Variants in UBTF observed in about 807,000 individuals in gnomAD.
UBTF encodes the protein nucleolar transcription factor 1.
A neutral mutation model predicts 112.3 loss-of-function variants in UBTF; 8 were observed. That is an observed-to-expected ratio of 0.07 (90% confidence interval 0.04 to 0.13). The LOEUF (loss-of-function observed/expected upper bound fraction) is 0.13. Among genes scored for constraint, UBTF ranks in the 10% least tolerant of loss-of-function variants. UBTF has a pLI of 1.00. For missense variants in UBTF, 457 were observed against 982.1 expected (o/e 0.47, Z 7.15); for synonymous variants, 417 against 373.1 (o/e 1.12, Z -1.36).
upstream of UBTF, chr17:44,220,608 G>A (rs376595586): frequency 6.6e-6 from 1 of 152,164 alleles, no homozygotes; most frequent in Non-Finnish European, 1.5e-5. Context: ...CCGGCGGAGG[G>A]GCCGCTGTGG....
rs1432144889 is a variant in UBTF at position 44,210,366 on chromosome 17, C to G, written c.1467G>C (p.Glu489Asp). ...GKLPESPKRA[E>D]EIWQQSVIGD... ...CGATAACGCTCTGTTGCCAGATCTC[C>G]TCAGCTCTTTTGGGGGACTCGGGCA... The change falls in exon 14 of 21, where the codon GAG becomes GAC. Residue 489 changes from glutamate to aspartate, a missense_variant. Physicochemically the swap from Glu to Asp is conservative, Grantham distance 45 (BLOSUM62 2). Transcript: ENST00000436088. 1 of 1,614,110 alleles carries G rather than the reference C, an allele frequency of 6.2e-7. No homozygotes were observed. The highest frequency in any genetic ancestry group is 1.3e-5 in the African/African-American group (1 of 74,944).
Position 44,210,395 on chromosome 17 carries a change from T to C in UBTF, c.1438A>G (p.Lys480Glu). ...GCTCTTTTGGGGGACTCGGGCAGCT[T>C]GCCCCGTTCCTCGCGCTCCCCGCCG... is the stretch of plus-strand genomic sequence containing the variant. ...KPGGEREERG[K>E]LPESPKRAEE... Residue 480 changes from lysine (K) to glutamate (E), a missense_variant, in exon 14 of 21, where the codon AAG becomes GAG. This residue lies in a region of UBTF where 108 missense variants were observed against 137.4 expected (regional missense o/e 0.79). Coordinates refer to ENST00000436088, the MANE Select transcript of UBTF (RefSeq NM_014233.4). The C allele has an allele frequency of 1.2e-6, 2 of 1,614,170 alleles. No individual in the cohort carries two copies. The highest frequency in any genetic ancestry group is 1.7e-6 in the Non-Finnish European group (2 of 1,180,018).
chr17:44,216,490 G>A (rs368631958), intron 3 of UBTF, 39 bp downstream of exon 3: 2 of 1,607,532 alleles, frequency 1.2e-6, no homozygotes, highest in South Asian at 1.1e-5. Context: ...ACGCTGAGTG[G>A]GGGGTATGTG....
chr17:44,211,170 G>T lies in UBTF; in HGVS notation c.1090-18C>A. On this transcript the variant is annotated intron_variant, in intron 11 of 20. Coordinates refer to ENST00000436088, the MANE Select transcript of UBTF (RefSeq NM_014233.4). The surrounding 1 kb of genome is among the most constrained non-coding windows in gnomAD (Gnocchi z 4.9). ...GGCAGGCTCTGGACAGGAAAGAGGA[G>T]CACGGGGCTGCATGCCTGGCACCCA... The T allele has an allele frequency of 6.2e-7, 1 of 1,612,868 alleles. No homozygotes were observed.
Position 44,211,827 on chromosome 17 carries a change from A to G in UBTF, c.905+46T>C. On this transcript the variant is annotated intron_variant, in intron 9 of 20. Transcript: ENST00000436088. This position sits in a 1 kb window ranked among gnomAD's most constrained non-coding sequence, Gnocchi z 4.9. ...CTTCTCACCTGCAGAGCCCAGCCCA[A>G]CTTCCCAGCTGCCCACTCGCCCACC... The G allele has an allele frequency of 6.2e-7, 1 of 1,602,998 alleles. No homozygotes were observed. Among genetic ancestry groups the G allele is most frequent in the African/African-American group, 1.3e-5 (1 of 74,850 alleles).
At chr17:44,209,179 A>T (rs28651449) in intron 17 of UBTF, 173 bp downstream of exon 17, 70 of 687,122 alleles carry the variant, frequency 1.0e-4, no homozygotes, top group African/African-American at 4.3e-4. Flanking sequence ...AAAATAAAAA[A>T]AAAAATAAAA....
chr17:44,208,715 C>T (rs1404865264), intron 17 of UBTF: 1 of 175,942 alleles, frequency 5.7e-6, no homozygotes, highest in Non-Finnish European at 1.2e-5. Flanking sequence ...CTCCACTTTA[C>T]AGATCTGACT....
chr17:44,215,391 C>G, intron 5 of UBTF: 1 of 489,590 alleles, frequency 2.0e-6, no homozygotes, highest in Non-Finnish European at 3.7e-6. Flanking sequence ...GAGCTTGAAA[C>G]AGAATGCTGT....
In UBTF at chr17:44,211,083, C is replaced by A. The variant is rs1598235306; in HGVS notation, c.1159G>T (p.Ala387Ser). Residue 387 changes from alanine (A) to serine (S), a missense_variant, in exon 12 of 21, where the codon GCC becomes TCC. By Grantham distance (99) the Ala-to-Ser change is moderately conservative. Coordinates refer to ENST00000436088, the MANE Select transcript of UBTF (RefSeq NM_014233.4). This position sits in a 1 kb window ranked among gnomAD's most constrained non-coding sequence, Gnocchi z 4.9. ...GGCTTCTTGGAGGCGGGGCTGGTGG[C>A]CTGCTTCTTGTTGATGTTCAGCATC... ...EKMLNINKKQ[A>S]TSPASKKPAQ... is the part of the protein sequence containing the mutation. 4 of 1,612,724 alleles carry A rather than the reference C, an allele frequency of 2.5e-6. No homozygotes were observed. In the African/African-American group the frequency reaches 4.0e-5, roughly 16 times the overall value.
In UBTF at chr17:44,205,607, G is replaced by A. The variant is rs1025531465; in HGVS notation, c.*1635C>T. On this transcript the variant is annotated 3_prime_UTR_variant, in exon 21 of 21. Coordinates refer to ENST00000436088, the MANE Select transcript of UBTF (RefSeq NM_014233.4). ...AAGCAGAGACTGTCTGCCTTCCTTT[G>A]GGAGAGGGACCCACCAGCCTCTCTG... is the stretch of plus-strand genomic sequence containing the variant. 4.0e-5 allele frequency: 6 copies of A among 151,602 alleles called. No individual in the cohort carries two copies. Among genetic ancestry groups the A allele is most frequent in the South Asian group, 2.1e-4 (1 of 4,810 alleles). 9.4% of individuals were successfully genotyped at this position (151,602 alleles called of 1,614,324 possible). A position where few individuals can be genotyped will look rare whatever the true frequency, so the allele number is the denominator to read the frequency against.
chr17:44,211,434 T>TG lies in UBTF; in HGVS notation c.1048-104dup, dbSNP rs2144537075. 2 of 1,576,208 alleles carry TG rather than the reference T, an allele frequency of 1.3e-6. No homozygotes were observed. Among genetic ancestry groups the TG allele is most frequent in the African/African-American group, 2.7e-5 (2 of 74,178 alleles). On this transcript the variant is annotated intron_variant, in intron 10 of 20. Transcript: ENST00000436088. The surrounding 1 kb of genome is among the most constrained non-coding windows in gnomAD (Gnocchi z 4.9). ...CTTCAGCGGGCCTCCAGAGCCTGGGTGTGGGCTGGACTCCCTGCCTGGACG... is the reference window on the plus strand; with the variant it reads ...CTTCAGCGGGCCTCCAGAGCCTGGGTGGTGGGCTGGACTCCCTGCCTGGACG...
At position 44,211,980 on chromosome 17, in the gene UBTF, C is replaced by T. The variant is rs1265020800; in HGVS notation, c.798G>A (p.Lys266=). ...CCTCACTGATGTTCAGCTCTGGGTG[C>T]TTCTGGATATAGTCTCTCATGATCT... is the stretch of plus-strand genomic sequence containing the variant. ...YEEIMRDYIQ[K]HPELNISEEG... Residue 266 remains lysine (K), a synonymous_variant, in exon 9 of 21, where the codon AAG becomes AAA. Coordinates refer to ENST00000436088, the MANE Select transcript of UBTF (RefSeq NM_014233.4). The surrounding 1 kb of genome is among the most constrained non-coding windows in gnomAD (Gnocchi z 4.9). 3 of 1,613,348 alleles carry T rather than the reference C, an allele frequency of 1.9e-6. No individual in the cohort carries two copies. The highest frequency in any genetic ancestry group is 4.5e-5 in the East Asian group (2 of 44,824).
chr17:44,208,201 T>G (rs942986432), intron 17 of UBTF, among the ~76,000 whole-genome samples: 27 of 148,544 alleles, frequency 1.8e-4, no homozygotes, highest in African/African-American at 6.2e-4. Flanking sequence ...CTTCCCAGGC[T>G]CAAGTGATCC....
At position 44,207,249 on chromosome 17, in the gene UBTF, G is replaced by A; in HGVS notation, c.2288C>T (p.Ser763Phe). The change falls in exon 21 of 21, where the codon TCC (serine) becomes TTC (phenylalanine). Residue 763 changes from serine (S) to phenylalanine (F), a missense_variant. Coordinates refer to ENST00000436088, the MANE Select transcript of UBTF (RefSeq NM_014233.4). ...SSSGDSSDSD[S>F]N Reference sequence around the variant, plus strand: ...CTGGGGTGGGGCTGAGCCTCAGTTGGAGTCAGAGTCTGAGGAGTCCCCTGA... The same window carrying A: ...CTGGGGTGGGGCTGAGCCTCAGTTGAAGTCAGAGTCTGAGGAGTCCCCTGA... The A allele has an allele frequency of 1.2e-6, 2 of 1,613,620 alleles. No individual in the cohort carries two copies. The highest frequency in any genetic ancestry group is 8.5e-7 in the Non-Finnish European group (1 of 1,179,864).
Position 44,209,332 on chromosome 17 carries a change from A to C in UBTF, c.1905+20T>G, listed in dbSNP as rs747191419. 1.3e-6 allele frequency: 2 copies of C among 1,572,022 alleles called. No individual in the cohort carries two copies. Among genetic ancestry groups the C allele is most frequent in the Admixed American group, 3.5e-5 (2 of 57,374 alleles). On this transcript the variant is annotated intron_variant, in intron 17 of 20. Transcript: ENST00000436088. Reference sequence around the variant, plus strand: ...GTCTGATGCCTCTCTGTTCCTTCCAAGGGTCCCTTGCCCTCTCACCTTAAC... The same window carrying C: ...GTCTGATGCCTCTCTGTTCCTTCCACGGGTCCCTTGCCCTCTCACCTTAAC...
In UBTF at chr17:44,213,007, C is replaced by T; in HGVS notation, c.540-68G>A. 1.9e-6 allele frequency: 3 copies of T among 1,589,844 alleles called. No individual in the cohort carries two copies. In the Middle Eastern group the frequency reaches 5.1e-4, roughly 271 times the overall value. ...CAGGGCAGACTCAAGCTAGCTGCCC[C>T]ACCCACCAAGCCTCCTGGGCCTTTC... On this transcript the variant is annotated intron_variant, in intron 6 of 20. Coordinates refer to ENST00000436088, the MANE Select transcript of UBTF (RefSeq NM_014233.4).
At chr17:44,218,137 T>C (rs1301770717) in intron 2 of UBTF, 35 bp downstream of exon 2, 1 of 1,607,854 alleles carries the variant, frequency 6.2e-7, no homozygotes, top group African/African-American at 1.3e-5. Flanking sequence ...GAAAGAGGGT[T>C]TAAGTTTCAG....
In UBTF at chr17:44,210,299, C is replaced by A. The variant is rs1315308609; in HGVS notation, c.1515+19G>T. ...CCGGGGCTAGAGGCTGCAGTACTAC[C>A]CTTTCCCACCCCTGTCACCTTGAAG... is the stretch of plus-strand genomic sequence containing the variant. On this transcript the variant is annotated intron_variant, in intron 14 of 20. Transcript: ENST00000436088. 4 of 1,614,142 alleles carry A rather than the reference C, an allele frequency of 2.5e-6. No individual in the cohort carries two copies. Among genetic ancestry groups the A allele is most frequent in the African/African-American group, 1.3e-5 (1 of 74,946 alleles).
At chr17:44,212,701 A>C in intron 7 of UBTF, 118 bp downstream of exon 7, 1 of 1,527,890 alleles carries the variant, frequency 6.5e-7, no homozygotes, top group Non-Finnish European at 8.8e-7. Flanking sequence ...CATGCAGCCC[A>C]CCCCTGGGGA....
Sources: allele counts gnomAD v4.1 joint callset (sites outside exome capture counted in the v4.1 genomes callset), GRCh38; gene constraint gnomAD v4.1.1; regional missense constraint gnomAD v4.1.1; non-coding constraint Gnocchi (gnomAD v3.1); transcripts MANE v1.5; gene names NCBI Gene and HGNC (gene_info 2026-07-23, HGNC 2026-07-21).